SLC24A2: variants seen among roughly 807,000 people sequenced by gnomAD.
SLC24A2 encodes the protein sodium/potassium/calcium exchanger 2.
In SLC24A2, 36 loss-of-function variants were observed where a neutral mutation model predicts 62.0. The ratio of observed to expected loss-of-function variants is 0.58; its 90% CI spans 0.44 to 0.77. The LOEUF (loss-of-function observed/expected upper bound fraction) is 0.77. Ranked by LOEUF, SLC24A2 falls within the 30% of genes least tolerant of loss-of-function variation. The pLI is 0.00. For synonymous variants in SLC24A2, 358 were observed against 294.0 expected, an observed-to-expected ratio of 1.22 and a Z score of -2.23; for missense variants, 846 against 817.9, an observed-to-expected ratio of 1.03 and a Z score of -0.42.
chr9:19,898,365 T>A, the SLC24A2 span, among the ~76,000 whole-genome samples: 1 of 152,182 alleles, frequency 6.6e-6, no homozygotes, highest in Non-Finnish European at 1.5e-5. Context: ...TTTGGCTGCT[T>A]CATCCCATAA....
the SLC24A2 span, among the ~76,000 whole-genome samples, chr9:20,133,751 T>A: frequency 6.6e-6 from 1 of 152,178 alleles, no homozygotes; most frequent in East Asian, 1.9e-4. Flanking sequence ...TGAATCAGGG[T>A]AAGTGGTTTA....
the SLC24A2 span, among the ~76,000 whole-genome samples, chr9:19,981,100 T>A: frequency 1.8e-3 from 280 of 152,348 alleles, no homozygotes; most frequent in Non-Finnish European, 3.4e-3. Context: ...ATAAGAAAGA[T>A]GTAAAACTTA....
At chr9:20,002,541 G>A in the SLC24A2 span, among the ~76,000 whole-genome samples, 3 of 152,056 alleles carry the variant, frequency 2.0e-5, no homozygotes, top group Non-Finnish European at 4.4e-5. Context: ...TTTTGTAGAT[G>A]AGTAAACTGA....
chr9:20,026,253 C>CA, the SLC24A2 span, among the ~76,000 whole-genome samples: 1 of 152,156 alleles, frequency 6.6e-6, no homozygotes, highest in Non-Finnish European at 1.5e-5. Flanking sequence ...CTGGATAGCA[C>CA]AGGCCCCATT....
At chr9:20,037,518 T>G in the SLC24A2 span, among the ~76,000 whole-genome samples, 1 of 152,214 alleles carries the variant, frequency 6.6e-6, no homozygotes, top group Non-Finnish European at 1.5e-5. Flanking sequence ...GATATCTCCT[T>G]CACATTAATC....
the SLC24A2 span, among the ~76,000 whole-genome samples, chr9:19,925,180 T>C: frequency 1.3e-5 from 2 of 152,216 alleles, no homozygotes; most frequent in Non-Finnish European, 2.9e-5. Flanking sequence ...AGACGTTCTC[T>C]ATAAGGACAG....
intron 2 of SLC24A2, among the ~76,000 whole-genome samples, chr9:19,684,563 C>T (rs1264550255): frequency 1.3e-5 from 2 of 152,118 alleles, no homozygotes; most frequent in African/African-American, 2.4e-5. Flanking sequence ...CCCAGTCTAT[C>T]TGACAGGCAA....
chr9:20,052,411 C>A, the SLC24A2 span, among the ~76,000 whole-genome samples: 1 of 152,188 alleles, frequency 6.6e-6, no homozygotes, highest in South Asian at 2.1e-4. Flanking sequence ...GTATAGAATA[C>A]AATGAGGCAC....
At chr9:19,885,486 A>G in the SLC24A2 span, among the ~76,000 whole-genome samples, 40 of 152,294 alleles carry the variant, frequency 2.6e-4, no homozygotes, top group African/African-American at 8.9e-4. Context: ...AACTCTATGA[A>G]AGTTCGTTCT....
chr9:19,990,616 C>CAAAAAAAA, the SLC24A2 span, among the ~76,000 whole-genome samples: 1 of 45,128 alleles, frequency 2.2e-5, no homozygotes, highest in East Asian at 3.8e-4. Context: ...CCTAAAAAAA[C>CAAAAAAAA]AAAAAAAAAA....
intron 4 of SLC24A2, among the ~76,000 whole-genome samples, chr9:19,607,636 T>C (rs1837026841): frequency 6.6e-6 from 1 of 151,410 alleles, no homozygotes; most frequent in Non-Finnish European, 1.5e-5. Flanking sequence ...GGAGACTCGC[T>C]TGAACCCGGG....
intron 2 of SLC24A2, among the ~76,000 whole-genome samples, chr9:19,656,484 T>G (rs758092926): frequency 6.6e-6 from 1 of 152,226 alleles, no homozygotes; most frequent in Admixed American, 6.5e-5. Flanking sequence ...TCTTTCTTTA[T>G]TCATTCAACT....
At chr9:20,155,910 C>T in the SLC24A2 span, among the ~76,000 whole-genome samples, 1 of 151,666 alleles carries the variant, frequency 6.6e-6, no homozygotes, top group East Asian at 1.9e-4. Context: ...CTTTGTTTGG[C>T]TTTTCAATAA....
the SLC24A2 span, among the ~76,000 whole-genome samples, chr9:20,290,811 T>A: frequency 6.6e-6 from 1 of 152,218 alleles, no homozygotes; most frequent in Non-Finnish European, 1.5e-5. Context: ...GAAGTGGGGT[T>A]CTTCTGGGCA....
chr9:20,303,122 A>G, the SLC24A2 span, among the ~76,000 whole-genome samples: 1 of 151,734 alleles, frequency 6.6e-6, no homozygotes, highest in South Asian at 2.1e-4. Flanking sequence ...ATATATCTGT[A>G]TTTTTTTTCT....
chr9:20,218,228 G>A, the SLC24A2 span, among the ~76,000 whole-genome samples: 1 of 152,164 alleles, frequency 6.6e-6, no homozygotes, highest in Admixed American at 6.5e-5. Flanking sequence ...GCTCCTGTTG[G>A]TTGTTACATC....
At chr9:19,960,889 TA>T in the SLC24A2 span, among the ~76,000 whole-genome samples, 2 of 152,170 alleles carry the variant, frequency 1.3e-5, no homozygotes, top group African/African-American at 4.8e-5. Flanking sequence ...AAGTGCTCAA[TA>T]AATTATTGGC....
the SLC24A2 span, among the ~76,000 whole-genome samples, chr9:20,286,240 TG>T: frequency 6.6e-6 from 1 of 152,220 alleles, no homozygotes. Context: ...CAAGCTACCA[TG>T]GCTTGACCAA....
the SLC24A2 span, among the ~76,000 whole-genome samples, chr9:20,051,719 G>C: frequency 8.4e-6 from 1 of 119,588 alleles, no homozygotes; most frequent in Non-Finnish European, 1.6e-5. Flanking sequence ...TGCCTGTCTT[G>C]GTCTGTGTAT....
Sources: allele counts gnomAD v4.1 joint callset (sites outside exome capture counted in the v4.1 genomes callset), GRCh38; gene constraint gnomAD v4.1.1; transcripts MANE v1.5; gene names NCBI Gene and HGNC (gene_info 2026-07-23, HGNC 2026-07-21).